The following CDS1 variants were observed in gnomAD, a reference collection of about 807,000 sequenced individuals.
The protein encoded by CDS1 is CDP-diacylglycerol synthase 1.
CDS1 carries 41 observed loss-of-function variants against 62.1 expected under a neutral mutation model. The observed-to-expected ratio is 0.66, with a 90% CI of 0.51 to 0.86. CDS1 has a LOEUF of 0.86. CDS1 is among the 40% of genes least tolerant of loss of function. CDS1 has a pLI of 0.00. For synonymous variants in CDS1, 185 were observed against 192.6 expected (o/e 0.96, Z 0.32); for missense variants, 470 against 550.1 (o/e 0.85, Z 1.46).
intron 2 of CDS1, among the ~76,000 whole-genome samples, chr4:84,604,853 A>T (rs1366517130): frequency 6.6e-6 from 1 of 152,112 alleles, no homozygotes; most frequent in Non-Finnish European, 1.5e-5. Flanking sequence ...CCTGGGCTCA[A>T]GCAGTCTGCC....
intron 1 of CDS1, among the ~76,000 whole-genome samples, chr4:84,602,306 A>T (rs1433748188): frequency 6.6e-6 from 1 of 152,214 alleles, no homozygotes; most frequent in African/African-American, 2.4e-5. Flanking sequence ...TAATATAAAT[A>T]AAAGCAGGAC....
chr4:84,617,746 T>C, intron 4 of CDS1, 85 bp downstream of exon 4: 1 of 604,094 alleles, frequency 1.7e-6, no homozygotes. Context: ...CAGTATCCAC[T>C]CAATTTACCC....
At chr4:84,638,441 T>C (rs1320300124) in intron 8 of CDS1, among the ~76,000 whole-genome samples, 1 of 152,218 alleles carries the variant, frequency 6.6e-6, no homozygotes, top group East Asian at 1.9e-4. Flanking sequence ...ATTAGGAATA[T>C]GTGAAAATTA....
chr4:84,586,355 GA>G (rs889393816), intron 1 of CDS1, among the ~76,000 whole-genome samples: 2 of 152,082 alleles, frequency 1.3e-5, no homozygotes, highest in Non-Finnish European at 2.9e-5. Flanking sequence ...AAATCCATGG[GA>G]GCCCTGAGCT....
chr4:84,595,641 A>G (rs1168756237), intron 1 of CDS1, among the ~76,000 whole-genome samples: 1 of 152,256 alleles, frequency 6.6e-6, no homozygotes, highest in African/African-American at 2.4e-5. Flanking sequence ...AAATGAAGGC[A>G]AGGCAGAAAA....
intron 5 of CDS1, among the ~76,000 whole-genome samples, chr4:84,623,268 C>T (rs1389269203): frequency 6.6e-6 from 1 of 152,148 alleles, no homozygotes; most frequent in East Asian, 1.9e-4. Context: ...GCTGTAGTTT[C>T]TTATGAAATG....
intron 1 of CDS1, among the ~76,000 whole-genome samples, 173 bp from the exon 2 acceptor site, chr4:84,604,070 A>G (rs944227613): frequency 2.6e-5 from 4 of 152,234 alleles, no homozygotes; most frequent in Non-Finnish European, 4.4e-5. Context: ...AAGATAGTCA[A>G]ACTTTCCTAA....
chr4:84,604,225 T>G lies in CDS1; in HGVS notation c.118-18T>G. On this transcript the variant is annotated intron_variant, in intron 1 of 12. Transcript: ENST00000295887. The stretch of plus-strand genomic sequence containing the variant: ...TTTAAACGTGATTTTGCAAAGTAAT[T>G]TGTCTTTTTAATTTTAGGAAACAGA... 2 of 1,603,198 alleles carry G rather than the reference T, an allele frequency of 1.2e-6. No individual in the cohort carries two copies. The highest frequency in any genetic ancestry group is 1.7e-6 in the Non-Finnish European group (2 of 1,175,490).
At chr4:84,629,633 G>A (rs999159039) in intron 5 of CDS1, among the ~76,000 whole-genome samples, 1 of 152,158 alleles carries the variant, frequency 6.6e-6, no homozygotes, top group Non-Finnish European at 1.5e-5. Context: ...GGGATACTGA[G>A]AGATGACTAT....
chr4:84,646,648 T>C (rs1474662902), intron 12 of CDS1, among the ~76,000 whole-genome samples: 1 of 152,158 alleles, frequency 6.6e-6, no homozygotes, highest in Non-Finnish European at 1.5e-5. Context: ...ACATACTCTA[T>C]GATTTGAGTA....
Position 84,631,856 on chromosome 4 carries a change from T to G in CDS1, c.618T>G (p.His206Gln). The G allele has an allele frequency of 6.2e-7, 1 of 1,611,366 alleles. No homozygotes were observed. The highest frequency in any genetic ancestry group is 8.5e-7 in the Non-Finnish European group (1 of 1,177,652). ...CMFVLSLVKK[H>Q]YRLQFYMFAW... ...TTGTACTGAGTTTGGTGAAGAAACA[T>G]TATCGTCTGCAGTTTTATATGGTGT... Residue 206 changes from histidine to glutamine, a missense_variant, in exon 6 of 13, where the codon CAT becomes CAG. This residue lies in a region of CDS1 where 214 missense variants were observed against 242.4 expected (regional missense o/e 0.88). Coordinates refer to ENST00000295887, the MANE Select transcript of CDS1 (RefSeq NM_001263.4).
chr4:84,635,650 CCTTCCTT>C (rs1560481638), intron 8 of CDS1, among the ~76,000 whole-genome samples: 26 of 118,182 alleles, frequency 2.2e-4, no homozygotes, highest in African/African-American at 8.0e-4. Flanking sequence ...TTCCTTCCTT[CCTTCCTT>C]CCTTCCTTCC....
At chr4:84,618,367 T>C (rs2148647547) in intron 4 of CDS1, among the ~76,000 whole-genome samples, 1 of 152,298 alleles carries the variant, frequency 6.6e-6, no homozygotes, top group African/African-American at 2.4e-5. Context: ...TGGCAAAGTA[T>C]ACAGGAAATG....
intron 1 of CDS1, among the ~76,000 whole-genome samples, chr4:84,602,767 G>C (rs1221446724): frequency 6.6e-6 from 1 of 152,050 alleles, no homozygotes; most frequent in Admixed American, 6.6e-5. Flanking sequence ...ACTGACGGCA[G>C]GTGCCCTGCC....
intron 1 of CDS1, among the ~76,000 whole-genome samples, chr4:84,592,939 C>G (rs189715602): frequency 4.9e-4 from 74 of 152,280 alleles, no homozygotes; most frequent in African/African-American, 1.8e-3. Flanking sequence ...CCAAGCAGGT[C>G]ATTTCACAAA....
At chr4:84,635,665 T>C (rs1213689598) in intron 8 of CDS1, among the ~76,000 whole-genome samples, 108 of 126,158 alleles carry the variant, frequency 8.6e-4, no homozygotes, top group African/African-American at 3.3e-3. Flanking sequence ...CTTCCTTCCT[T>C]CCTTCCTTCC....
Position 84,583,149 on chromosome 4 carries a change from G to T in CDS1, c.-253G>T, listed in dbSNP as rs1168369517. 4.7e-6 allele frequency: 2 copies of T among 424,942 alleles called. No homozygotes were observed. Among genetic ancestry groups the T allele is most frequent in the Non-Finnish European group, 8.4e-6 (2 of 238,508 alleles). 26.3% of individuals were successfully genotyped at this position (424,942 alleles called of 1,614,324 possible). A position where few individuals can be genotyped will look rare whatever the true frequency, so the allele number is the denominator to read the frequency against. ...TCCGCCTTCTCTGCTCGCGCCTGGC[G>T]CCCGGAGCCTGCCCGGGACCTCCGC... On this transcript the variant is annotated 5_prime_UTR_variant, in exon 1 of 13. Transcript: ENST00000295887.
rs575921652 is a variant in CDS1 at position 84,629,146 on chromosome 4, C to T, written c.581-2673C>T. On this transcript the variant is annotated intron_variant, in intron 5 of 12. Transcript: ENST00000295887. ...ATGGATCCAATTGTACAAAAAGTGA[C>T]CGTTTCCACAGATTTATTAACATAT... is the stretch of plus-strand genomic sequence containing the variant. Among the ~76,000 whole-genome samples, 144 of 152,162 alleles carry T rather than the reference C, an allele frequency of 9.5e-4. 3 individuals carry two copies. The South Asian group carries it at 0.029, about 30-fold the overall frequency.
At chr4:84,614,830 A>T (rs114390982) in intron 3 of CDS1, among the ~76,000 whole-genome samples, 2,847 of 152,348 alleles carry the variant, frequency 0.019, 85 homozygotes, top group African/African-American at 0.065. Context: ...GTTTTATTAA[A>T]GAGAGAAATG....
Sources: gnomAD v4.1 joint callset for allele counts (sites outside exome capture counted in the v4.1 genomes callset) on GRCh38, gnomAD v4.1.1 for gene constraint, gnomAD v4.1.1 regional missense constraint, MANE v1.5 for transcripts, NCBI Gene and HGNC (gene_info 2026-07-23, HGNC 2026-07-21) for gene names.